Variants in TTC28 observed in about 807,000 individuals in gnomAD.
TTC28 encodes tetratricopeptide repeat domain 28.
TTC28 carries 61 observed loss-of-function variants against 198.0 expected under a neutral mutation model. That is an observed-to-expected ratio of 0.31 (90% CI 0.25 to 0.38). The LOEUF is 0.38. Ranked by LOEUF, TTC28 falls within the 10% of genes least tolerant of loss-of-function variation. TTC28 has a pLI of 1.00. For synonymous variants in TTC28, 1,171 were observed against 1,297.8 expected (o/e 0.90, Z 2.10); for missense variants, 2,678 against 3,164.0 (o/e 0.85, Z 3.69).
At chr22:28,593,800 C>T (rs921059619) in intron 2 of TTC28, among the ~76,000 whole-genome samples, 2 of 152,018 alleles carry the variant, frequency 1.3e-5, no homozygotes, top group Admixed American at 1.3e-4. Flanking sequence ...CCTTTAAGGG[C>T]CACACAGACC....
intron 2 of TTC28, among the ~76,000 whole-genome samples, chr22:28,404,208 C>T (rs1049166663): frequency 6.6e-6 from 1 of 152,116 alleles, no homozygotes; most frequent in Non-Finnish European, 1.5e-5. Context: ...CAAGCTCTGC[C>T]TCCCTGGTTC....
intron 5 of TTC28, among the ~76,000 whole-genome samples, chr22:28,231,017 C>T (rs1158660997): frequency 6.6e-6 from 1 of 151,940 alleles, no homozygotes; most frequent in Admixed American, 6.6e-5. Flanking sequence ...TGGGTGATGC[C>T]CAAGTTATCC....
At chr22:28,309,901 C>T (rs2045222592) in intron 2 of TTC28, among the ~76,000 whole-genome samples, 1 of 152,050 alleles carries the variant, frequency 6.6e-6, no homozygotes, top group African/African-American at 2.4e-5. Context: ...GAGAAATGTA[C>T]AGGGAGCTAG....
chr22:28,669,494 T>A (rs1013083710), intron 1 of TTC28, among the ~76,000 whole-genome samples: 11 of 151,472 alleles, frequency 7.3e-5, no homozygotes, highest in African/African-American at 2.7e-4. Flanking sequence ...CCCGGCCTTA[T>A]TAAATATATG....
chr22:28,198,058 C>G (rs756410125), intron 5 of TTC28, among the ~76,000 whole-genome samples: 10 of 152,018 alleles, frequency 6.6e-5, no homozygotes, highest in East Asian at 1.9e-4. Flanking sequence ...GAAATATAAA[C>G]TGTTGAAGCT....
chr22:28,650,429 C>T (rs2051546679), intron 1 of TTC28, among the ~76,000 whole-genome samples: 1 of 152,174 alleles, frequency 6.6e-6, no homozygotes, highest in Non-Finnish European at 1.5e-5. Flanking sequence ...CCAGACCACC[C>T]AGTTTTCCAC....
At chr22:28,099,617 C>T (rs1439828319) in intron 9 of TTC28, among the ~76,000 whole-genome samples, 2 of 152,136 alleles carry the variant, frequency 1.3e-5, no homozygotes, top group East Asian at 3.9e-4. Flanking sequence ...TTTATATAAT[C>T]GATTTTTGAC....
intron 5 of TTC28, among the ~76,000 whole-genome samples, chr22:28,277,330 G>C (rs914128446): frequency 6.6e-6 from 1 of 152,160 alleles, no homozygotes; most frequent in African/African-American, 2.4e-5. Context: ...CCTTTATTCA[G>C]GGAGAATAAA....
chr22:28,509,971 T>C (rs1294766215), intron 2 of TTC28, among the ~76,000 whole-genome samples: 6 of 151,976 alleles, frequency 3.9e-5, no homozygotes, highest in Non-Finnish European at 5.9e-5. Context: ...CTCCAAAAAC[T>C]GAACCAGGAA....
In TTC28 at chr22:28,297,608, C is replaced by T. The variant is rs528019388; in HGVS notation, c.774G>A (p.Gln258=). 1.3e-6 allele frequency: 2 copies of T among 1,551,544 alleles called. No individual in the cohort carries two copies. Among genetic ancestry groups the T allele is most frequent in the African/African-American group, 2.7e-5 (2 of 73,052 alleles). The change falls in exon 4 of 23, where the codon CAG becomes CAA. Residue 258 remains glutamine (Q), a synonymous_variant. Transcript: ENST00000397906. ...GNTEKSTGYM[Q]QDLDVAKTLG... is the part of the protein sequence containing the mutation. ...AGGTCTTGGCTACATCCAAGTCCTG[C>T]TGCATATATCCGGTGCTCTTCTCTG...
intron 5 of TTC28, among the ~76,000 whole-genome samples, chr22:28,215,609 G>GGT (rs922819817): frequency 1.3e-4 from 20 of 151,968 alleles, no homozygotes; most frequent in African/African-American, 3.6e-4. Context: ...ATGCACACAT[G>GGT]GTGTGTGTGT....
rs990989577 is a variant in TTC28 at position 28,001,257 on chromosome 22, A to G, written c.4398+117T>C. On this transcript the variant is annotated intron_variant, in intron 15 of 22. Coordinates refer to ENST00000397906, the MANE Select transcript of TTC28 (RefSeq NM_001145418.2). The stretch of plus-strand genomic sequence containing the variant: ...TACCTGCGTGCAAATCATAAAATCA[A>G]CACTTTTGAGGAGATCACAGCTATG... 9 of 1,300,010 alleles carry G rather than the reference A, an allele frequency of 6.9e-6. No individual in the cohort carries two copies. In the Admixed American group the frequency reaches 1.3e-4, roughly 19 times the overall value. The allele number at this position is 1,300,010 out of a possible 1,614,324, so 80.5% of individuals were successfully genotyped here. A position where few individuals can be genotyped will look rare whatever the true frequency, so the allele number is the denominator to read the frequency against.
chr22:28,662,757 G>C (rs1270652920), intron 1 of TTC28, among the ~76,000 whole-genome samples: 1 of 152,078 alleles, frequency 6.6e-6, no homozygotes, highest in Non-Finnish European at 1.5e-5. Context: ...TTATTAAATG[G>C]TTTTCATAAA....
intron 2 of TTC28, among the ~76,000 whole-genome samples, chr22:28,514,943 G>C (rs899793014): frequency 3.9e-5 from 6 of 152,116 alleles, no homozygotes; most frequent in South Asian, 2.1e-4. Flanking sequence ...TTGTAATCCT[G>C]TAATGTATTC....
At chr22:28,615,863 G>A (rs2050897680) in intron 2 of TTC28, among the ~76,000 whole-genome samples, 1 of 152,116 alleles carries the variant, frequency 6.6e-6, no homozygotes. Context: ...TTGATTGGGT[G>A]CAGCAAACCA....
chr22:28,628,618 C>T (rs1053580485), intron 2 of TTC28, among the ~76,000 whole-genome samples: 1 of 152,080 alleles, frequency 6.6e-6, no homozygotes, highest in African/African-American at 2.4e-5. Context: ...TCTCCTATCC[C>T]CCACCCTCTA....
rs148516723 is a variant in TTC28 at position 28,502,395 on chromosome 22, C to G, written c.381+127157G>C. On this transcript the variant is annotated intron_variant, in intron 2 of 22. Transcript: ENST00000397906. ...GTGGCTTATGCCTGTAATCCCAGCA[C>G]TTTGGGAGGCCGAGGAGGCCGGATC... Among the ~76,000 whole-genome samples, 447 of 152,022 alleles carry G rather than the reference C, an allele frequency of 2.9e-3. 1 individual carries two copies. The highest frequency in any genetic ancestry group is 6.2e-3 in the South Asian group (30 of 4,820).
chr22:28,610,406 T>C (rs1280901485), intron 2 of TTC28, among the ~76,000 whole-genome samples: 1 of 152,148 alleles, frequency 6.6e-6, no homozygotes, highest in African/African-American at 2.4e-5. Flanking sequence ...GGCAGCAATC[T>C]TTGCCGTTCT....
intron 6 of TTC28, among the ~76,000 whole-genome samples, chr22:28,124,658 C>A (rs1211985359): frequency 6.6e-6 from 1 of 152,168 alleles, no homozygotes; most frequent in East Asian, 1.9e-4. Context: ...TAAATGACAT[C>A]TGGGCAATAA....
Sources: gnomAD v4.1 joint callset for allele counts (sites outside exome capture counted in the v4.1 genomes callset) on GRCh38, gnomAD v4.1.1 for gene constraint, MANE v1.5 for transcripts, NCBI Gene and HGNC (gene_info 2026-07-23, HGNC 2026-07-21) for gene names.